Variants in CAST observed in about 807,000 individuals in gnomAD.
CAST encodes the protein calpastatin, also known as MIR583 host.
CAST carries 76 observed loss-of-function variants against 119.6 expected under a neutral mutation model. The ratio of observed to expected loss-of-function variants is 0.64; its 90% CI spans 0.53 to 0.77. The LOEUF (loss-of-function observed/expected upper bound fraction) is 0.77, where lower values mean the gene tolerates loss of function less well. Among genes scored for constraint, CAST ranks in the 30% least tolerant of loss-of-function variants. The pLI, the probability that CAST is intolerant of heterozygous loss-of-function variation, is 0.00. For synonymous variants in CAST, 319 were observed against 331.6 expected (o/e 0.96, Z 0.41); for missense variants, 953 against 946.5 (o/e 1.01, Z -0.09).
chr5:96,312,699 T>A, the CAST span, among the ~76,000 whole-genome samples: 1 of 152,100 alleles, frequency 6.6e-6, no homozygotes, highest in African/African-American at 2.4e-5. Context: ...TCTTTCCATA[T>A]TTTCCCTTTG....
the CAST span, chr5:96,412,517 A>C: frequency 1.2e-6 from 2 of 1,603,904 alleles, no homozygotes; most frequent in African/African-American, 2.7e-5. Context: ...ACAAAGACAC[A>C]CAAAGGTTGA....
chr5:96,770,623 A>G, intron 30 of CAST, 21 bp downstream of exon 30: 1 of 1,512,582 alleles, frequency 6.6e-7, no homozygotes, highest in Non-Finnish European at 9.2e-7. Flanking sequence ...CAGTAAATAT[A>G]CTACAAATTA....
intron 1 of CAST, among the ~76,000 whole-genome samples, chr5:96,607,302 C>T (rs73134504): frequency 2.0e-5 from 3 of 151,990 alleles, no homozygotes; most frequent in African/African-American, 7.3e-5. Context: ...AACAAAAAAA[C>T]AGAACCACTG....
At chr5:96,564,592 T>C (rs1746435601) in intron 1 of CAST, among the ~76,000 whole-genome samples, 1 of 152,258 alleles carries the variant, frequency 6.6e-6, no homozygotes, top group Non-Finnish European at 1.5e-5. Context: ...GACATTCTAT[T>C]GGATAACACA....
chr5:96,114,911 G>A, the CAST span, among the ~76,000 whole-genome samples: 4 of 152,164 alleles, frequency 2.6e-5, no homozygotes, highest in African/African-American at 7.2e-5. Flanking sequence ...TTTAAGGTAT[G>A]TACTAGTGGT....
At chr5:96,450,687 T>TC in the CAST span, among the ~76,000 whole-genome samples, 7 of 152,310 alleles carry the variant, frequency 4.6e-5, no homozygotes, top group South Asian at 1.5e-3. Flanking sequence ...CAAACATTGC[T>TC]CCAATGCCTT....
the CAST span, among the ~76,000 whole-genome samples, chr5:95,976,292 C>T: frequency 6.6e-6 from 1 of 151,662 alleles, no homozygotes; most frequent in East Asian, 1.9e-4. Context: ...TGGAGCATTT[C>T]TAGAGACTGG....
chr5:96,387,370 TAGTAA>T, the CAST span, among the ~76,000 whole-genome samples: 2 of 152,170 alleles, frequency 1.3e-5, no homozygotes, highest in South Asian at 4.1e-4. Flanking sequence ...TATTAAGTGC[TAGTAA>T]AGAATGACCA....
In CAST at chr5:96,757,633, T is replaced by C. The variant is rs756343547; in HGVS notation, c.1812T>C (p.Gly604=). 1.2e-5 allele frequency: 20 copies of C among 1,612,682 alleles called. No homozygotes were observed. Among genetic ancestry groups the C allele is most frequent in the Non-Finnish European group, 1.6e-5 (19 of 1,178,868 alleles). ...ATGCTTTGTCTGAGGACTTCTCTGG[T>C]CCACAAAATGCTTCATCTCTTGTAA... The part of the protein sequence containing the change: ...LLDALSEDFS[G]PQNASSLKFE... The change falls in exon 24 of 32, where the codon GGT becomes GGC. Residue 604 remains glycine (G), a synonymous_variant. Transcript: ENST00000675179.
At chr5:96,470,589 A>T in the CAST span, among the ~76,000 whole-genome samples, 25 of 152,086 alleles carry the variant, frequency 1.6e-4, 1 homozygote, top group Non-Finnish European at 1.6e-4. Flanking sequence ...TCAAAGTAGA[A>T]TACTGAATTT....
the CAST span, among the ~76,000 whole-genome samples, chr5:96,287,358 T>C: frequency 6.6e-6 from 1 of 152,156 alleles, no homozygotes; most frequent in South Asian, 2.1e-4. Context: ...AAATGGGCCT[T>C]TGAGCGGTAT....
At chr5:96,219,374 C>A in the CAST span, among the ~76,000 whole-genome samples, 1 of 152,174 alleles carries the variant, frequency 6.6e-6, no homozygotes, top group East Asian at 1.9e-4. Flanking sequence ...TGTCTCATAG[C>A]CCCAAAGTGG....
intron 1 of CAST, among the ~76,000 whole-genome samples, chr5:96,645,204 A>G (rs1231886569): frequency 6.6e-6 from 1 of 151,982 alleles, no homozygotes; most frequent in Non-Finnish European, 1.5e-5. Flanking sequence ...ATATCTCTCG[A>G]TATGAGCTTA....
intron 3 of CAST, among the ~76,000 whole-genome samples, chr5:96,703,289 T>A (rs987824078): frequency 1.3e-5 from 2 of 152,120 alleles, no homozygotes; most frequent in Admixed American, 6.5e-5. Context: ...TCAGTTTGGT[T>A]TGGCACCTTT....
chr5:96,361,774 T>G, the CAST span, among the ~76,000 whole-genome samples: 5 of 147,320 alleles, frequency 3.4e-5, no homozygotes, highest in Non-Finnish European at 7.4e-5. Context: ...GCGATTTGTC[T>G]TCAGTCATTT....
the CAST span, among the ~76,000 whole-genome samples, chr5:96,278,922 T>G: frequency 1.3e-5 from 2 of 152,356 alleles, no homozygotes; most frequent in South Asian, 4.1e-4. Flanking sequence ...TTAAAAAATG[T>G]TGTAGTCTTA....
the CAST span, among the ~76,000 whole-genome samples, chr5:96,272,448 C>T: frequency 6.6e-6 from 1 of 152,144 alleles, no homozygotes; most frequent in African/African-American, 2.4e-5. Flanking sequence ...GAAATCCTTT[C>T]ATTTGCAGCA....
At chr5:96,531,268 G>C (rs1745683509) in intron 1 of CAST, among the ~76,000 whole-genome samples, 1 of 152,178 alleles carries the variant, frequency 6.6e-6, no homozygotes, top group African/African-American at 2.4e-5. Flanking sequence ...CTTAAGAAGA[G>C]ACCCATTCTG....
chr5:96,530,974 A>G (rs538265057), intron 1 of CAST, among the ~76,000 whole-genome samples: 1 of 152,130 alleles, frequency 6.6e-6, no homozygotes, highest in East Asian at 1.9e-4. Flanking sequence ...TGTATTTTGT[A>G]TACAGATGGG....
Sources: gnomAD v4.1 joint callset for allele counts (sites outside exome capture counted in the v4.1 genomes callset) on GRCh38, gnomAD v4.1.1 for gene constraint, MANE v1.5 for transcripts, NCBI Gene and HGNC (gene_info 2026-07-23, HGNC 2026-07-21) for gene names.